UBXN8: variants seen among roughly 807,000 people sequenced by gnomAD.
UBXN8 encodes the protein UBX domain-containing protein 8.
Under a neutral mutation model 32.1 loss-of-function variants are expected in UBXN8, and 27 were observed. That is an observed-to-expected ratio of 0.84 (90% CI 0.62 to 1.16). The LOEUF (loss-of-function observed/expected upper bound fraction) is 1.16, where lower values mean the gene tolerates loss of function less well. UBXN8 is among the 50% of genes most tolerant of loss of function. The pLI, the probability that UBXN8 is intolerant of heterozygous loss-of-function variation, is 0.00. For synonymous variants in UBXN8, 109 were observed against 111.8 expected (o/e 0.98, Z 0.16); for missense variants, 306 against 311.4 (o/e 0.98, Z 0.13).
intron 7 of UBXN8, among the ~76,000 whole-genome samples, chr8:30,765,407 G>A (rs1174385664): frequency 2.0e-5 from 3 of 151,956 alleles, no homozygotes; most frequent in Non-Finnish European, 4.4e-5. Flanking sequence ...CTGAGTATCT[G>A]GGATTACAGG....
In UBXN8 at chr8:30,760,922, CAGA is replaced by C. The variant is rs747763460; in HGVS notation, c.569_570+1del. ...TTACCTGAAGAACCTTCTCAAACAG[CAGA>C]AGAAGTAAGTCTATTTTTCTCTTCG... On this transcript the variant is annotated inframe_deletion, in exon 6 of 8. Coordinates refer to ENST00000265616, the MANE Select transcript of UBXN8 (RefSeq NM_005671.4). The C allele has an allele frequency of 5.9e-6, 9 of 1,533,300 alleles. No homozygotes were observed. The highest frequency in any genetic ancestry group is 2.5e-5 in the South Asian group (2 of 80,396). 95.0% of individuals were successfully genotyped at this position (1,533,300 alleles called of 1,614,324 possible).
At chr8:30,764,803 G>A (rs950139037) in intron 7 of UBXN8, among the ~76,000 whole-genome samples, 3 of 152,284 alleles carry the variant, frequency 2.0e-5, no homozygotes, top group South Asian at 2.1e-4. Context: ...TGTAATCCCA[G>A]CACTTTGGGA....
At chr8:30,743,833 A>G (rs1433382490), upstream of UBXN8, among the ~76,000 whole-genome samples, 1 of 152,188 alleles carries the variant, frequency 6.6e-6, no homozygotes, top group Non-Finnish European at 1.5e-5. Flanking sequence ...TCCTCACAGC[A>G]TCAGCTTTTT....
chr8:30,762,463 G>T (rs574184493), intron 6 of UBXN8, among the ~76,000 whole-genome samples: 1 of 152,034 alleles, frequency 6.6e-6, no homozygotes, highest in Admixed American at 6.6e-5. Context: ...GCACAATCTC[G>T]GCTCTCTGAA....
At chr8:30,744,382 A>C in intron 1 of UBXN8, 105 bp downstream of exon 1, 1 of 1,126,282 alleles carries the variant, frequency 8.9e-7, no homozygotes, top group Non-Finnish European at 1.3e-6. Context: ...AGCAGCTTTG[A>C]CTACAACTCC....
chr8:30,766,237 A>T lies in UBXN8; in HGVS notation c.656A>T (p.Asp219Val). Residue 219 changes from aspartate to valine, a missense_variant, in exon 8 of 8, where the codon GAC becomes GTC. Coordinates refer to ENST00000265616, the MANE Select transcript of UBXN8 (RefSeq NM_005671.4). ...CTTTTCATCTTCTAGGTCTTATTTGACTGGATGACGAGAATTGGGTACCAC... is the reference window on the plus strand; with the variant it reads ...CTTTTCATCTTCTAGGTCTTATTTGTCTGGATGACGAGAATTGGGTACCAC... ...LKSYSSQVLF[D>V]WMTRIGYHIS... The T allele has an allele frequency of 6.2e-7, 1 of 1,611,762 alleles. No homozygotes were observed. Among genetic ancestry groups the T allele is most frequent in the Non-Finnish European group, 8.5e-7 (1 of 1,178,548 alleles).
Position 30,765,622 on chromosome 8 carries a change from C to T in UBXN8, c.646-605C>T, listed in dbSNP as rs543313380. Among the ~76,000 whole-genome samples the T allele has an allele frequency of 3.4e-3, 508 of 151,244 alleles. 4 individuals are homozygous for T. The highest frequency in any genetic ancestry group is 4.5e-3 in the Non-Finnish European group (306 of 67,814). ...AGGCTGGAGTGCGGTGGTGGGATCTCGGCTCACTGCAACCTCCGCCTCCTG... is the reference window on the plus strand; with the variant it reads ...AGGCTGGAGTGCGGTGGTGGGATCTTGGCTCACTGCAACCTCCGCCTCCTG... On this transcript the variant is annotated intron_variant, in intron 7 of 7. Coordinates refer to ENST00000265616, the MANE Select transcript of UBXN8 (RefSeq NM_005671.4).
At chr8:30,741,730 G>C (rs1385966173), upstream of UBXN8, among the ~76,000 whole-genome samples, 1 of 152,090 alleles carries the variant, frequency 6.6e-6, no homozygotes. Flanking sequence ...GATTACAGGC[G>C]TGAGTCACCG....
intron 1 of UBXN8, among the ~76,000 whole-genome samples, chr8:30,747,028 G>A (rs1405611695): frequency 2.9e-5 from 4 of 138,216 alleles, no homozygotes; most frequent in African/African-American, 5.6e-5. Context: ...GGTGGCGCAC[G>A]CCTGTAGTCC....
intron 4 of UBXN8, 31 bp from the exon 5 acceptor site, chr8:30,756,734 T>C (rs1442552989): frequency 1.2e-6 from 2 of 1,611,796 alleles, no homozygotes; most frequent in Middle Eastern, 3.3e-4. Flanking sequence ...AGAAAACATC[T>C]CTTTAGAAAT....
intron 2 of UBXN8, among the ~76,000 whole-genome samples, chr8:30,752,133 G>A (rs964883135): frequency 4.6e-5 from 7 of 152,092 alleles, no homozygotes; most frequent in Non-Finnish European, 7.3e-5. Context: ...CTCGTGATCC[G>A]CCCACCTCGG....
upstream of UBXN8, among the ~76,000 whole-genome samples, chr8:30,739,907 TG>T (rs1286320838): frequency 1.5e-5 from 2 of 136,364 alleles, no homozygotes; most frequent in South Asian, 4.9e-4. Context: ...CAATGCTTTT[TG>T]CTTTTTGTTT....
At chr8:30,760,824 C>A in intron 5 of UBXN8, 64 bp from the exon 6 acceptor site, 1 of 1,059,178 alleles carries the variant, frequency 9.4e-7, no homozygotes, top group Non-Finnish European at 1.4e-6. Flanking sequence ...GAGAGGAACT[C>A]TTCTCATTGA....
At chr8:30,740,596 G>A (rs1046805510), upstream of UBXN8, among the ~76,000 whole-genome samples, 1 of 150,284 alleles carries the variant, frequency 6.7e-6, no homozygotes, top group African/African-American at 2.4e-5. Flanking sequence ...ATGGTGGCAT[G>A]TGTTTGTAGT....
At chr8:30,747,831 G>A (rs1805402858) in intron 1 of UBXN8, among the ~76,000 whole-genome samples, 1 of 133,388 alleles carries the variant, frequency 7.5e-6, no homozygotes, top group African/African-American at 2.9e-5. Flanking sequence ...AAGCAAGGTG[G>A]CTCATGCCTG....
intron 5 of UBXN8, among the ~76,000 whole-genome samples, chr8:30,760,443 A>ATATATATATATAT (rs1196366158): frequency 1.1e-5 from 1 of 91,118 alleles, no homozygotes; most frequent in African/African-American, 5.1e-5. Flanking sequence ...ATATATATAT[A>ATATATATATATAT]TTTTTTTTTT....
upstream of UBXN8, among the ~76,000 whole-genome samples, chr8:30,730,092 G>A (rs557115262): frequency 6.6e-6 from 1 of 152,326 alleles, no homozygotes; most frequent in South Asian, 2.1e-4. Flanking sequence ...TGAGTCCACA[G>A]TGCTTGTGCC....
At chr8:30,744,444 G>T (rs1017235291) in intron 1 of UBXN8, 167 bp downstream of exon 1, 24 of 672,512 alleles carry the variant, frequency 3.6e-5, no homozygotes, top group Middle Eastern at 5.8e-4. Flanking sequence ...TCACTTCGAG[G>T]AACCTTTTCC....
intron 5 of UBXN8, among the ~76,000 whole-genome samples, chr8:30,758,903 T>TTG (rs1805748111): frequency 7.0e-6 from 1 of 143,410 alleles, no homozygotes; most frequent in Non-Finnish European, 1.5e-5. Context: ...TGTTTTTTTT[T>TTG]TTTTTTTTGA....
Sources: allele counts gnomAD v4.1 joint callset (sites outside exome capture counted in the v4.1 genomes callset), GRCh38; gene constraint gnomAD v4.1.1; transcripts MANE v1.5; gene names NCBI Gene and HGNC (gene_info 2026-07-23, HGNC 2026-07-21).